Variants in BLTP1 observed in about 807,000 individuals in gnomAD.
The protein encoded by BLTP1 is fragile site-associated protein.
the BLTP1 span, chr4:122,264,499 T>G: frequency 7.4e-7 from 1 of 1,346,998 alleles, no homozygotes; most frequent in Non-Finnish European, 9.8e-7. Context: ...GAACCTCCAA[T>G]AGTACGCACC....
the BLTP1 span, among the ~76,000 whole-genome samples, chr4:122,273,937 C>A: frequency 6.6e-6 from 1 of 151,912 alleles, no homozygotes; most frequent in African/African-American, 2.4e-5. Flanking sequence ...TTATACCCTC[C>A]ATTAAAATCA....
At chr4:122,159,878 C>G in the BLTP1 span, among the ~76,000 whole-genome samples, 2 of 152,196 alleles carry the variant, frequency 1.3e-5, no homozygotes, top group Admixed American at 1.3e-4. Context: ...TGTTATTTTA[C>G]CACATAATTC....
At chr4:122,297,537 C>T in the BLTP1 span, among the ~76,000 whole-genome samples, 19 of 152,238 alleles carry the variant, frequency 1.2e-4, 1 homozygote, top group East Asian at 3.7e-3. Context: ...TACCATTTTG[C>T]CCAGCAATCC....
chr4:122,339,370 G>A, the BLTP1 span: 17 of 1,613,118 alleles, frequency 1.1e-5, no homozygotes, highest in Middle Eastern at 1.6e-4. Context: ...GCTACTCAGA[G>A]TGGAACAAAG....
the BLTP1 span, among the ~76,000 whole-genome samples, chr4:122,240,697 TATTA>T: frequency 1.3e-5 from 2 of 152,188 alleles, no homozygotes; most frequent in African/African-American, 4.8e-5. Flanking sequence ...ATGTTCTTTT[TATTA>T]ATTCATAACT....
the BLTP1 span, chr4:122,189,994 TTATAG>T: frequency 6.2e-7 from 1 of 1,602,710 alleles, no homozygotes. Context: ...CTCCACCTTC[TTATAG>T]ACCACCGAGA....
chr4:122,244,776 T>C, the BLTP1 span: 1 of 477,456 alleles, frequency 2.1e-6, no homozygotes, highest in Non-Finnish European at 2.7e-6. Flanking sequence ...CAGAAGTTTG[T>C]TAAAGAAAAG....
the BLTP1 span, among the ~76,000 whole-genome samples, chr4:122,294,865 C>T: frequency 2.0e-5 from 3 of 152,074 alleles, no homozygotes; most frequent in Non-Finnish European, 4.4e-5. Flanking sequence ...AGCTGAGGAT[C>T]GTGACAAAAC....
the BLTP1 span, chr4:122,286,644 T>C: frequency 6.2e-7 from 1 of 1,614,146 alleles, no homozygotes. Context: ...CTGCCAGTCT[T>C]AACCTTCCCC....
chr4:122,226,906 A>G, the BLTP1 span: 1 of 1,206,418 alleles, frequency 8.3e-7, no homozygotes. Context: ...TTGAGATATC[A>G]GCTTCAAGTC....
At chr4:122,294,951 G>T in the BLTP1 span, among the ~76,000 whole-genome samples, 3 of 150,528 alleles carry the variant, frequency 2.0e-5, no homozygotes, top group Admixed American at 6.6e-5. Context: ...AAACACAGCA[G>T]GAGAACTTCA....
At chr4:122,323,824 TA>T in the BLTP1 span, among the ~76,000 whole-genome samples, 9 of 152,200 alleles carry the variant, frequency 5.9e-5, no homozygotes, top group East Asian at 1.7e-3. Flanking sequence ...GGGAAGTTGT[TA>T]AAACATCTGC....
chr4:122,249,315 T>A, the BLTP1 span: 2 of 723,566 alleles, frequency 2.8e-6, no homozygotes, highest in Non-Finnish European at 3.4e-6. Flanking sequence ...TTCTTCCTCT[T>A]AGGCAGCATT....
At chr4:122,198,267 TACAA>T in the BLTP1 span, 1 of 985,016 alleles carries the variant, frequency 1.0e-6, no homozygotes, top group East Asian at 1.1e-4. Context: ...GTGTTAAAAA[TACAA>T]TCTTACTAAG....
the BLTP1 span, chr4:122,362,326 G>A: frequency 9.4e-7 from 1 of 1,065,096 alleles, no homozygotes; most frequent in Non-Finnish European, 1.4e-6. Flanking sequence ...ATAATAATTT[G>A]AAATATAACT....
chr4:122,161,118 C>T, the BLTP1 span: 1 of 983,246 alleles, frequency 1.0e-6, no homozygotes, highest in South Asian at 4.7e-5. Context: ...CAAAGGAGAG[C>T]TCTAAAGTTG....
chr4:122,159,320 G>A, the BLTP1 span, among the ~76,000 whole-genome samples: 4 of 151,918 alleles, frequency 2.6e-5, no homozygotes, highest in Admixed American at 2.0e-4. Flanking sequence ...AAAATTAGCC[G>A]GGCGTGGTGG....
At chr4:122,278,466 G>A in the BLTP1 span, among the ~76,000 whole-genome samples, 1 of 152,200 alleles carries the variant, frequency 6.6e-6, no homozygotes, top group Non-Finnish European at 1.5e-5. Context: ...AGGAATGAGC[G>A]AGAGCATTGT....
the BLTP1 span, chr4:122,302,297 G>A: frequency 2.1e-6 from 2 of 966,204 alleles, no homozygotes; most frequent in African/African-American, 1.8e-5. Context: ...TCCTATACAG[G>A]CATACCTTGT....
Sources: allele counts gnomAD v4.1 joint callset (sites outside exome capture counted in the v4.1 genomes callset), GRCh38; gene constraint gnomAD v4.1.1; transcripts MANE v1.5; gene names NCBI Gene and HGNC (gene_info 2026-07-23, HGNC 2026-07-21).